The following TNIP3 variants were observed in gnomAD, a reference collection of about 807,000 sequenced individuals.
The protein encoded by TNIP3 is TNFAIP3 interacting protein 3, also known as TNFAIP3-interacting protein 3.
A neutral mutation model predicts 54.1 loss-of-function variants in TNIP3; 34 were observed. That is an observed-to-expected ratio of 0.63 (90% confidence interval 0.48 to 0.84). TNIP3 has a LOEUF of 0.84. Ranked by LOEUF, TNIP3 falls within the 40% of genes least tolerant of loss-of-function variation. The pLI is 0.00. For missense variants in TNIP3, 366 were observed against 387.6 expected (o/e 0.94, Z 0.47); for synonymous variants, 134 against 136.8 (o/e 0.98, Z 0.14).
chr4:121,173,896 G>A (rs1298699923), intron 3 of TNIP3, among the ~76,000 whole-genome samples: 1 of 152,212 alleles, frequency 6.6e-6, no homozygotes, highest in Non-Finnish European at 1.5e-5. Context: ...CTCCCAAAGT[G>A]CTGGGATTAC....
chr4:121,133,912 A>T (rs1728626129), intron 10 of TNIP3, among the ~76,000 whole-genome samples: 1 of 151,970 alleles, frequency 6.6e-6, no homozygotes, highest in Non-Finnish European at 1.5e-5. Flanking sequence ...ATGCTGAAAG[A>T]GGCAAGGAAG....
chr4:121,156,166 T>C (rs952679131), intron 4 of TNIP3, among the ~76,000 whole-genome samples: 2 of 152,208 alleles, frequency 1.3e-5, no homozygotes, highest in Non-Finnish European at 1.5e-5. Context: ...TGGACTGGCA[T>C]TGTCTGCGCG....
chr4:121,141,866 G>C lies in TNIP3; in HGVS notation c.835C>G (p.Pro279Ala). Residue 279 changes from proline (P) to alanine (A), a missense_variant, in exon 9 of 11, where the codon CCA (proline) becomes GCA (alanine). Coordinates refer to ENST00000057513, the MANE Select transcript of TNIP3 (RefSeq NM_024873.6). ...NCGLVFHLQD[P>A]WVPTGPGAVQ... Reference sequence around the variant, plus strand: ...GCTCCAGGGCCTGTTGGTACCCATGGATCTTGCAGGTGGAAAACCAAGCCG... The same window carrying C: ...GCTCCAGGGCCTGTTGGTACCCATGCATCTTGCAGGTGGAAAACCAAGCCG... 6.2e-7 allele frequency: 1 copy of C among 1,600,734 alleles called. No homozygotes were observed. Among genetic ancestry groups the C allele is most frequent in the Non-Finnish European group, 8.5e-7 (1 of 1,173,694 alleles).
intron 2 of TNIP3, among the ~76,000 whole-genome samples, chr4:121,193,377 A>C (rs1725402784): frequency 1.3e-5 from 2 of 152,192 alleles, no homozygotes; most frequent in Non-Finnish European, 2.9e-5. Context: ...TCAATATCAA[A>C]ATATGTAATA....
chr4:121,200,935 T>G (rs1444780414), intron 2 of TNIP3, among the ~76,000 whole-genome samples: 1 of 152,112 alleles, frequency 6.6e-6, no homozygotes, highest in Non-Finnish European at 1.5e-5. Context: ...GAAACTGGCT[T>G]TTTGGATCTG....
chr4:121,170,858 C>T (rs931745298), intron 3 of TNIP3, among the ~76,000 whole-genome samples: 2 of 152,032 alleles, frequency 1.3e-5, no homozygotes, highest in African/African-American at 2.4e-5. Flanking sequence ...CTCTGTCGCT[C>T]AAGCTGGAGT....
At chr4:121,135,217 T>C (rs1728710582) in intron 10 of TNIP3, among the ~76,000 whole-genome samples, 2 of 152,190 alleles carry the variant, frequency 1.3e-5, no homozygotes, top group African/African-American at 2.4e-5. Flanking sequence ...GGATAGATTA[T>C]ACTTTAACAG....
intron 2 of TNIP3, among the ~76,000 whole-genome samples, chr4:121,211,661 A>T (rs576002565): frequency 6.6e-6 from 1 of 152,344 alleles, no homozygotes; most frequent in African/African-American, 2.4e-5. Flanking sequence ...CTTCTATTAT[A>T]TTAACTGGCT....
intron 10 of TNIP3, among the ~76,000 whole-genome samples, chr4:121,134,986 G>T (rs1225950043): frequency 6.6e-6 from 1 of 152,120 alleles, no homozygotes; most frequent in Non-Finnish European, 1.5e-5. Flanking sequence ...GTAGAGTGGT[G>T]AGGGGTGTAT....
chr4:121,134,356 T>A (rs1417761357), intron 10 of TNIP3, among the ~76,000 whole-genome samples: 1 of 152,230 alleles, frequency 6.6e-6, no homozygotes, highest in Non-Finnish European at 1.5e-5. Context: ...CAACATGTTT[T>A]TCAAGGTTAA....
At chr4:121,138,824 C>T in intron 9 of TNIP3, 140 bp from the exon 10 acceptor site, 2 of 729,754 alleles carry the variant, frequency 2.7e-6, no homozygotes, top group East Asian at 2.6e-5. Context: ...GCCAACCTCA[C>T]TCATCCTGCT....
At chr4:121,181,277 A>G in intron 3 of TNIP3, among the ~76,000 whole-genome samples, 1 of 152,172 alleles carries the variant, frequency 6.6e-6, no homozygotes, top group East Asian at 1.9e-4. Context: ...TCACCATGAA[A>G]TTTCTTTCTG....
chr4:121,132,781 T>C (rs1202874831), intron 10 of TNIP3, 119 bp from the exon 11 acceptor site: 7 of 799,268 alleles, frequency 8.8e-6, no homozygotes, highest in Non-Finnish European at 8.1e-6. Flanking sequence ...TTATGTTATA[T>C]TCATAAGCTC....
At chr4:121,181,613 TTAA>T (rs893841970) in intron 3 of TNIP3, among the ~76,000 whole-genome samples, 4 of 134,630 alleles carry the variant, frequency 3.0e-5, no homozygotes, top group South Asian at 2.6e-4. Flanking sequence ...AGAGGGTAAG[TTAA>T]TAAGACAGGT....
intron 8 of TNIP3, 90 bp from the exon 9 acceptor site, chr4:121,142,004 T>C (rs749672835): frequency 3.9e-5 from 30 of 766,314 alleles, no homozygotes; most frequent in Non-Finnish European, 5.5e-5. Flanking sequence ...TTGGTTTCAA[T>C]CTTAAGGTTC....
At chr4:121,194,713 C>G (rs1012975789) in intron 2 of TNIP3, among the ~76,000 whole-genome samples, 3 of 152,144 alleles carry the variant, frequency 2.0e-5, no homozygotes, top group Non-Finnish European at 2.9e-5. Context: ...GTGTCTTCAT[C>G]TTTGCTCTAT....
At chr4:121,205,550 G>C (rs1002162013) in intron 2 of TNIP3, among the ~76,000 whole-genome samples, 1 of 152,132 alleles carries the variant, frequency 6.6e-6, no homozygotes, top group African/African-American at 2.4e-5. Context: ...AGAACAGCCT[G>C]TAGGGAAGCA....
chr4:121,170,687 T>C (rs1163481929), intron 3 of TNIP3, among the ~76,000 whole-genome samples: 2 of 152,142 alleles, frequency 1.3e-5, no homozygotes, highest in Non-Finnish European at 2.9e-5. Context: ...TCTTTAATAA[T>C]ACTTTCTACA....
upstream of TNIP3, among the ~76,000 whole-genome samples, chr4:121,167,423 T>C (rs1347073877): frequency 6.6e-6 from 1 of 152,102 alleles, no homozygotes; most frequent in African/African-American, 2.4e-5. Flanking sequence ...GAAGGGTAGA[T>C]AGGATTTTGA....
Sources: allele counts gnomAD v4.1 joint callset (sites outside exome capture counted in the v4.1 genomes callset), GRCh38; gene constraint gnomAD v4.1.1; transcripts MANE v1.5; gene names NCBI Gene and HGNC (gene_info 2026-07-23, HGNC 2026-07-21).